LINGO2: variants seen among roughly 807,000 people sequenced by gnomAD.
LINGO2 encodes the protein leucine-rich repeat and immunoglobulin-like domain-containing nogo receptor-interacting protein 2.
LINGO2 carries 14 observed loss-of-function variants against 30.6 expected under a neutral mutation model. That is an observed-to-expected ratio of 0.46 (90% CI 0.30 to 0.72). The LOEUF is 0.72. Ranked by LOEUF, LINGO2 falls within the 30% of genes least tolerant of loss-of-function variation. The pLI is 0.07. For missense variants in LINGO2, 729 were observed against 751.7 expected, an observed-to-expected ratio of 0.97 and a Z score of 0.35; for synonymous variants, 317 against 288.5, an observed-to-expected ratio of 1.10 and a Z score of -1.00.
At chr9:28,140,316 A>G (rs548789553) in intron 4 of LINGO2, among the ~76,000 whole-genome samples, 4 of 152,356 alleles carry the variant, frequency 2.6e-5, no homozygotes, top group South Asian at 2.1e-4. Context: ...ACACAAAGGC[A>G]GAGATGTTTA....
chr9:29,153,236 T>C, the LINGO2 span, among the ~76,000 whole-genome samples: 446 of 152,260 alleles, frequency 2.9e-3, 5 homozygotes, highest in African/African-American at 0.01. Context: ...ATATTATTTA[T>C]TCCTTATATG....
At chr9:29,122,087 T>C in the LINGO2 span, among the ~76,000 whole-genome samples, 1 of 151,754 alleles carries the variant, frequency 6.6e-6, no homozygotes, top group Non-Finnish European at 1.5e-5. Context: ...AAAAATACTT[T>C]TCTCTTAAGC....
intron 4 of LINGO2, among the ~76,000 whole-genome samples, chr9:28,135,620 C>T (rs1439630495): frequency 6.6e-5 from 10 of 151,940 alleles, no homozygotes; most frequent in African/African-American, 7.3e-5. Flanking sequence ...CCTTGTATCA[C>T]GGTCTGTTCT....
chr9:27,962,635 G>A (rs968644953), intron 5 of LINGO2, among the ~76,000 whole-genome samples: 3 of 152,130 alleles, frequency 2.0e-5, no homozygotes, highest in African/African-American at 7.2e-5. Context: ...AGAAACTGTG[G>A]AGGAATGTTG....
At chr9:28,046,654 C>T (rs1391930322) in intron 4 of LINGO2, among the ~76,000 whole-genome samples, 1 of 152,086 alleles carries the variant, frequency 6.6e-6, no homozygotes, top group Non-Finnish European at 1.5e-5. Flanking sequence ...TATTTTCCCT[C>T]CTGCTCATAG....
intron 3 of LINGO2, among the ~76,000 whole-genome samples, chr9:28,298,270 A>T (rs946574947): frequency 3.9e-5 from 6 of 152,118 alleles, no homozygotes; most frequent in African/African-American, 1.4e-4. Flanking sequence ...AAAGGATTTA[A>T]TTATTTTATG....
chr9:28,561,778 T>TATAA (rs1473610262), intron 1 of LINGO2, among the ~76,000 whole-genome samples: 1 of 113,008 alleles, frequency 8.8e-6, no homozygotes, highest in Non-Finnish European at 1.7e-5. Context: ...TATATATATA[T>TATAA]ATAAAAAATA....
At chr9:29,189,691 G>C in the LINGO2 span, among the ~76,000 whole-genome samples, 1 of 152,258 alleles carries the variant, frequency 6.6e-6, no homozygotes, top group South Asian at 2.1e-4. Flanking sequence ...AGCGAGCCGA[G>C]ATCACGCCAC....
chr9:29,089,217 CATA>C, the LINGO2 span, among the ~76,000 whole-genome samples: 2 of 151,322 alleles, frequency 1.3e-5, no homozygotes, highest in East Asian at 1.9e-4. Flanking sequence ...ATATCATCAA[CATA>C]ATATTATTTA....
chr9:28,234,023 G>C (rs1038688902), intron 4 of LINGO2, among the ~76,000 whole-genome samples: 1 of 152,184 alleles, frequency 6.6e-6, no homozygotes, highest in Non-Finnish European at 1.5e-5. Flanking sequence ...GGTGGCTATA[G>C]TGAAAGACTC....
intron 2 of LINGO2, among the ~76,000 whole-genome samples, chr9:28,430,952 T>G (rs1823644908): frequency 6.6e-6 from 1 of 150,966 alleles, no homozygotes; most frequent in African/African-American, 2.4e-5. Flanking sequence ...ACTGAGGGCC[T>G]CGTTTCCTTG....
chr9:28,801,018 C>T, the LINGO2 span, among the ~76,000 whole-genome samples: 1 of 152,028 alleles, frequency 6.6e-6, no homozygotes, highest in Non-Finnish European at 1.5e-5. Context: ...TCCCACTGAA[C>T]CTCTCTCAGA....
At chr9:28,421,885 A>G (rs1380508913) in intron 2 of LINGO2, among the ~76,000 whole-genome samples, 1 of 152,086 alleles carries the variant, frequency 6.6e-6, no homozygotes, top group Admixed American at 6.6e-5. Flanking sequence ...ATTTTCCACA[A>G]GAGCGACAAG....
chr9:28,864,603 C>T, the LINGO2 span, among the ~76,000 whole-genome samples: 27 of 151,646 alleles, frequency 1.8e-4, no homozygotes, highest in Admixed American at 7.3e-4. Flanking sequence ...TTCAAAGTAA[C>T]CATCAAATGT....
the LINGO2 span, among the ~76,000 whole-genome samples, chr9:28,760,682 T>C: frequency 4.0e-5 from 6 of 151,608 alleles, no homozygotes; most frequent in Admixed American, 6.6e-5. Context: ...GTCCCCAAAG[T>C]CCATTGTATC....
chr9:27,974,405 G>A (rs1255709640), intron 5 of LINGO2, among the ~76,000 whole-genome samples: 1 of 152,088 alleles, frequency 6.6e-6, no homozygotes, highest in Non-Finnish European at 1.5e-5. Flanking sequence ...GTGCTACACA[G>A]TGTTGGTGTA....
intron 4 of LINGO2, among the ~76,000 whole-genome samples, chr9:28,271,167 A>AC (rs576187922): frequency 0.035 from 5,269 of 151,442 alleles, 149 homozygotes; most frequent in Admixed American, 0.061. Flanking sequence ...AAAAAAAAAA[A>AC]ACACAAAAAA....
At chr9:28,557,321 C>G (rs1822770656) in intron 1 of LINGO2, among the ~76,000 whole-genome samples, 1 of 151,926 alleles carries the variant, frequency 6.6e-6, no homozygotes, top group African/African-American at 2.4e-5. Flanking sequence ...ACAACCCCAT[C>G]AAAAAGTGGG....
intron 1 of LINGO2, among the ~76,000 whole-genome samples, chr9:28,666,249 C>A (rs1350798752): frequency 1.3e-5 from 2 of 151,990 alleles, no homozygotes; most frequent in Admixed American, 6.6e-5. Flanking sequence ...ATTTTGGTAA[C>A]TTCTCAGAAG....
Sources: allele counts gnomAD v4.1 joint callset (sites outside exome capture counted in the v4.1 genomes callset), GRCh38; gene constraint gnomAD v4.1.1; transcripts MANE v1.5; gene names NCBI Gene and HGNC (gene_info 2026-07-23, HGNC 2026-07-21).